Variants in SCFD2 observed in about 807,000 individuals in gnomAD.
SCFD2 encodes the protein sec1 family domain containing 2.
SCFD2 carries 54 observed loss-of-function variants against 58.9 expected under a neutral mutation model. That is an observed-to-expected ratio of 0.92 (90% CI 0.74 to 1.15). The LOEUF (loss-of-function observed/expected upper bound fraction) is 1.15. SCFD2 is among the 50% of genes most tolerant of loss of function. The probability of loss-of-function intolerance (pLI) is 0.00; values close to 1 mark genes in which losing one functional copy is unlikely to be tolerated. For missense variants in SCFD2, 805 were observed against 836.6 expected (o/e 0.96, Z 0.47); for synonymous variants, 321 against 335.9 (o/e 0.96, Z 0.49).
chr4:53,013,695 T>C lies in SCFD2; in HGVS notation c.1562-92825A>G, dbSNP rs556728279. 3.3e-5 allele frequency among the ~76,000 whole-genome samples: 5 copies of C among 152,352 alleles called. No individual in the cohort carries two copies. In the Middle Eastern group the frequency reaches 0.017, roughly 518 times the overall value. On this transcript the variant is annotated intron_variant, in intron 5 of 8. Coordinates refer to ENST00000401642, the MANE Select transcript of SCFD2 (RefSeq NM_152540.4). ...TATGGCTTCTGAGAATAACTTTTGCTGGAACGTCCTCTGAGATCATTAGGC... is the reference window on the plus strand; with the variant it reads ...TATGGCTTCTGAGAATAACTTTTGCCGGAACGTCCTCTGAGATCATTAGGC...
chr4:52,887,526 G>A (rs914028758), intron 7 of SCFD2, among the ~76,000 whole-genome samples: 2 of 152,172 alleles, frequency 1.3e-5, no homozygotes, highest in South Asian at 2.1e-4. Context: ...TTGATGGAGT[G>A]GGCAGGAGAA....
intron 5 of SCFD2, among the ~76,000 whole-genome samples, chr4:53,012,389 C>T (rs1722116245): frequency 1.3e-5 from 2 of 151,922 alleles, no homozygotes; most frequent in Admixed American, 6.6e-5. Context: ...CACACACACA[C>T]ACACACACAA....
At chr4:53,327,507 G>A (rs915413966) in intron 2 of SCFD2, among the ~76,000 whole-genome samples, 1 of 152,208 alleles carries the variant, frequency 6.6e-6, no homozygotes, top group Non-Finnish European at 1.5e-5. Flanking sequence ...GAGGACTCCA[G>A]TGCAGAAGCA....
At chr4:53,201,198 C>T (rs1303043651) in intron 4 of SCFD2, among the ~76,000 whole-genome samples, 1 of 151,274 alleles carries the variant, frequency 6.6e-6, no homozygotes, top group Non-Finnish European at 1.5e-5. Flanking sequence ...CAACAGGCCC[C>T]AGTGTGTGAT....
intron 4 of SCFD2, among the ~76,000 whole-genome samples, chr4:53,241,413 G>T (rs1319509636): frequency 6.6e-6 from 1 of 152,154 alleles, no homozygotes; most frequent in Non-Finnish European, 1.5e-5. Flanking sequence ...TCCAACCCAA[G>T]CACCCCTCAG....
In SCFD2 at chr4:53,102,158, G is replaced by A. The variant is rs184759323; in HGVS notation, c.1561+43175C>T. Reference sequence around the variant, plus strand: ...GATACAGGTGCAACTCAAAATGCTGGGGCAGCAAAGAACATTTTAATAAGT... The same window carrying A: ...GATACAGGTGCAACTCAAAATGCTGAGGCAGCAAAGAACATTTTAATAAGT... On this transcript the variant is annotated intron_variant, in intron 5 of 8. Coordinates refer to ENST00000401642, the MANE Select transcript of SCFD2 (RefSeq NM_152540.4). Among the ~76,000 whole-genome samples the A allele has an allele frequency of 1.8e-4, 28 of 152,226 alleles. No homozygotes were observed. In the East Asian group the frequency reaches 4.6e-3, roughly 25 times the overall value.
intron 2 of SCFD2, among the ~76,000 whole-genome samples, chr4:53,338,585 T>TTTTTTTC (rs1247339127): frequency 1.3e-5 from 1 of 76,176 alleles, no homozygotes; most frequent in African/African-American, 4.3e-5. Flanking sequence ...CTTTTTTTTT[T>TTTTTTTC]TTTTTTTTTT....
chr4:53,012,203 A>G (rs770838276), intron 5 of SCFD2, among the ~76,000 whole-genome samples: 4 of 152,132 alleles, frequency 2.6e-5, no homozygotes, highest in Non-Finnish European at 5.9e-5. Flanking sequence ...CCGTGTTATA[A>G]TGACTCACCC....
intron 3 of SCFD2, among the ~76,000 whole-genome samples, chr4:53,278,209 A>C: frequency 6.6e-6 from 1 of 151,744 alleles, no homozygotes; most frequent in Non-Finnish European, 1.5e-5. Context: ...TCTACTAAAA[A>C]TTCAAATATT....
intron 2 of SCFD2, among the ~76,000 whole-genome samples, chr4:53,317,727 A>C (rs1732907630): frequency 6.6e-6 from 1 of 152,170 alleles, no homozygotes; most frequent in Non-Finnish European, 1.5e-5. Flanking sequence ...GGACCAAACA[A>C]CACAAGGTGC....
intron 5 of SCFD2, among the ~76,000 whole-genome samples, chr4:53,110,759 C>T (rs1487458912): frequency 2.6e-5 from 4 of 152,202 alleles, no homozygotes; most frequent in Admixed American, 1.3e-4. Flanking sequence ...TTAGTTGATC[C>T]ATTGTGGAAG....
At chr4:53,208,005 G>A (rs1728490273) in intron 4 of SCFD2, among the ~76,000 whole-genome samples, 2 of 150,484 alleles carry the variant, frequency 1.3e-5, no homozygotes, top group East Asian at 3.9e-4. Context: ...TCACTAGGCT[G>A]GAGTACAGTA....
chr4:53,008,373 T>C (rs753733645), intron 5 of SCFD2, among the ~76,000 whole-genome samples: 11 of 152,006 alleles, frequency 7.2e-5, no homozygotes, highest in Non-Finnish European at 1.6e-4. Flanking sequence ...CAGAGCATCA[T>C]GGAGAAGCAT....
At chr4:53,010,313 G>A (rs1722066697) in intron 5 of SCFD2, among the ~76,000 whole-genome samples, 1 of 152,160 alleles carries the variant, frequency 6.6e-6, no homozygotes, top group African/African-American at 2.4e-5. Context: ...TATTTTCTAT[G>A]AACTGTTTCT....
At chr4:53,123,105 C>T (rs1162541603) in intron 5 of SCFD2, among the ~76,000 whole-genome samples, 2 of 152,144 alleles carry the variant, frequency 1.3e-5, no homozygotes, top group Non-Finnish European at 2.9e-5. Context: ...ATTTTCATTA[C>T]AGATTCACAT....
intron 8 of SCFD2, among the ~76,000 whole-genome samples, chr4:52,885,128 G>T (rs1190696997): frequency 6.6e-6 from 1 of 152,194 alleles, no homozygotes; most frequent in African/African-American, 2.4e-5. Context: ...CTGACAGGAG[G>T]TATAGAGAAG....
At chr4:53,172,588 C>A (rs1257014291) in intron 4 of SCFD2, among the ~76,000 whole-genome samples, 1 of 151,940 alleles carries the variant, frequency 6.6e-6, no homozygotes, top group African/African-American at 2.4e-5. Flanking sequence ...GTTTTGATTT[C>A]TTCTTTGACC....
At chr4:52,877,696 C>A (rs142394440) in intron 8 of SCFD2, among the ~76,000 whole-genome samples, 1 of 152,334 alleles carries the variant, frequency 6.6e-6, no homozygotes, top group East Asian at 1.9e-4. Flanking sequence ...TGTGCATCCC[C>A]GGCTGCATCC....
intron 4 of SCFD2, among the ~76,000 whole-genome samples, chr4:53,147,662 C>A (rs1245072263): frequency 6.6e-6 from 1 of 152,202 alleles, no homozygotes; most frequent in African/African-American, 2.4e-5. Context: ...TGCCCTGTAG[C>A]TTCAGGAGTC....
Sources: gnomAD v4.1 joint callset for allele counts (sites outside exome capture counted in the v4.1 genomes callset) on GRCh38, gnomAD v4.1.1 for gene constraint, MANE v1.5 for transcripts, NCBI Gene and HGNC (gene_info 2026-07-23, HGNC 2026-07-21) for gene names.